NRXN3: variants seen among roughly 807,000 people sequenced by gnomAD.
NRXN3 encodes neurexin III.
Under a neutral mutation model 137.6 loss-of-function variants are expected in NRXN3, and 32 were observed. That is an observed-to-expected ratio of 0.23 (90% CI 0.18 to 0.31). NRXN3 has a LOEUF of 0.31. NRXN3 is among the 10% of genes least tolerant of loss of function. NRXN3 has a pLI of 1.00. For missense variants in NRXN3, 1,574 were observed against 2,062.5 expected, an observed-to-expected ratio of 0.76 and a Z score of 4.59; for synonymous variants, 798 against 784.5, an observed-to-expected ratio of 1.02 and a Z score of -0.29.
chr14:78,737,708 A>G (rs2098547145), intron 8 of NRXN3, among the ~76,000 whole-genome samples: 1 of 152,158 alleles, frequency 6.6e-6, no homozygotes, highest in African/African-American at 2.4e-5. Context: ...GAGTTTAATC[A>G]CTGAAACTCT....
intron 15 of NRXN3, among the ~76,000 whole-genome samples, chr14:79,053,391 G>A (rs1399448229): frequency 6.6e-6 from 1 of 152,188 alleles, no homozygotes; most frequent in Admixed American, 6.5e-5. Context: ...AAGTGACAGA[G>A]CTGGGATTTG....
At chr14:78,942,925 A>G (rs2099355948) in intron 10 of NRXN3, among the ~76,000 whole-genome samples, 1 of 151,736 alleles carries the variant, frequency 6.6e-6, no homozygotes, top group African/African-American at 2.4e-5. Context: ...AAACAAAAAA[A>G]TAAATATTCT....
chr14:79,206,530 T>A (rs1391393049), intron 15 of NRXN3, among the ~76,000 whole-genome samples: 8 of 152,218 alleles, frequency 5.3e-5, no homozygotes, highest in Non-Finnish European at 1.2e-4. Context: ...GAGAATTCCA[T>A]GAGCTGAAGT....
At chr14:79,149,486 G>C (rs1469398696) in intron 15 of NRXN3, among the ~76,000 whole-genome samples, 1 of 152,002 alleles carries the variant, frequency 6.6e-6, no homozygotes, top group Non-Finnish European at 1.5e-5. Flanking sequence ...AAAAAATCAA[G>C]TGCTCTATGA....
chr14:79,341,545 A>G (rs901895387), intron 15 of NRXN3, among the ~76,000 whole-genome samples: 1 of 152,194 alleles, frequency 6.6e-6, no homozygotes, highest in Non-Finnish European at 1.5e-5. Flanking sequence ...ACTCACAGGC[A>G]GCTTAAAGTT....
intron 15 of NRXN3, among the ~76,000 whole-genome samples, chr14:79,380,071 A>G (rs980743011): frequency 1.7e-4 from 26 of 150,640 alleles, no homozygotes; most frequent in Admixed American, 1.7e-3. Flanking sequence ...AAAAAATAGG[A>G]TGAGTTCACC....
At chr14:79,648,719 A>C (rs1412515558) in intron 16 of NRXN3, among the ~76,000 whole-genome samples, 1 of 151,902 alleles carries the variant, frequency 6.6e-6, no homozygotes, top group Non-Finnish European at 1.5e-5. Flanking sequence ...CCCTTCACAG[A>C]GTGGAGATGA....
chr14:79,105,519 T>A (rs968120750), intron 15 of NRXN3, among the ~76,000 whole-genome samples: 2 of 152,192 alleles, frequency 1.3e-5, no homozygotes, highest in Non-Finnish European at 2.9e-5. Flanking sequence ...ATTCCTCCTC[T>A]GAGTTTTACC....
intron 4 of NRXN3, among the ~76,000 whole-genome samples, chr14:78,618,731 T>C (rs2097370195): frequency 6.6e-6 from 1 of 152,310 alleles, no homozygotes. Context: ...CTTCTTTATA[T>C]GGTAGGAAAA....
At chr14:78,185,594 T>A (rs1043111852) in intron 1 of NRXN3, among the ~76,000 whole-genome samples, 3 of 152,116 alleles carry the variant, frequency 2.0e-5, no homozygotes, top group African/African-American at 7.2e-5. Context: ...TTGTAGGGGA[T>A]GGGGTTCACA....
At chr14:78,226,709 C>T (rs1024440027) in intron 1 of NRXN3, among the ~76,000 whole-genome samples, 2 of 151,940 alleles carry the variant, frequency 1.3e-5, no homozygotes, top group African/African-American at 4.8e-5. Flanking sequence ...TTTTTTGAGT[C>T]TTGGGTTTGA....
chr14:79,139,048 A>G (rs929341979), intron 15 of NRXN3, among the ~76,000 whole-genome samples: 1 of 152,192 alleles, frequency 6.6e-6, no homozygotes, highest in Non-Finnish European at 1.5e-5. Flanking sequence ...CATCCCTGCA[A>G]TTTCATACTT....
intron 15 of NRXN3, among the ~76,000 whole-genome samples, chr14:79,323,667 G>C (rs186597196): frequency 1.3e-5 from 2 of 152,018 alleles, no homozygotes; most frequent in East Asian, 3.9e-4. Flanking sequence ...AGACCATCCT[G>C]GCCAATGTGG....
At chr14:78,306,565 G>T (rs1409235754) in intron 4 of NRXN3, among the ~76,000 whole-genome samples, 1 of 152,140 alleles carries the variant, frequency 6.6e-6, no homozygotes, top group Non-Finnish European at 1.5e-5. Context: ...TTGTGCTTAG[G>T]CTTGTACATG....
At chr14:78,648,615 A>G (rs2097709394) in intron 5 of NRXN3, among the ~76,000 whole-genome samples, 1 of 152,202 alleles carries the variant, frequency 6.6e-6, no homozygotes, top group Non-Finnish European at 1.5e-5. Flanking sequence ...TAGGCTGTAG[A>G]TGTTTAATTA....
chr14:79,358,935 C>T (rs12898194), intron 15 of NRXN3, among the ~76,000 whole-genome samples: 68,298 of 151,898 alleles, frequency 0.45, 15,668 homozygotes, highest in South Asian at 0.54. Context: ...ATGTTCATTT[C>T]GATGCAGGAA....
At chr14:78,309,000 CT>C (rs1198747054) in intron 4 of NRXN3, among the ~76,000 whole-genome samples, 1 of 152,064 alleles carries the variant, frequency 6.6e-6, no homozygotes, top group Non-Finnish European at 1.5e-5. Flanking sequence ...CCTATAATGG[CT>C]TGTGTGCTAT....
chr14:79,601,326 C>T (rs1194373490), intron 16 of NRXN3, among the ~76,000 whole-genome samples: 1 of 152,216 alleles, frequency 6.6e-6, no homozygotes, highest in South Asian at 2.1e-4. Context: ...CAGGCAGGAG[C>T]CACCGTGCCC....
intron 10 of NRXN3, among the ~76,000 whole-genome samples, chr14:78,888,506 C>A (rs1430107447): frequency 6.6e-6 from 1 of 151,954 alleles, no homozygotes; most frequent in Non-Finnish European, 1.5e-5. Context: ...AACTTTAAAA[C>A]AAAAATTTTC....
Sources: gnomAD v4.1 joint callset for allele counts (sites outside exome capture counted in the v4.1 genomes callset) on GRCh38, gnomAD v4.1.1 for gene constraint, MANE v1.5 for transcripts, NCBI Gene and HGNC (gene_info 2026-07-23, HGNC 2026-07-21) for gene names.